MACF1: variants seen among roughly 807,000 people sequenced by gnomAD.
The protein encoded by MACF1 is microtubule actin crosslinking factor 1.
In MACF1, 193 loss-of-function variants were observed where a neutral mutation model predicts 854.8. The observed-to-expected ratio is 0.23, with a 90% confidence interval of 0.20 to 0.25. The LOEUF (loss-of-function observed/expected upper bound fraction) is 0.25. MACF1 is among the 10% of genes least tolerant of loss of function. The pLI is 1.00. For missense variants in MACF1, 7,722 were observed against 8,929.1 expected (o/e 0.86, Z 5.45); for synonymous variants, 3,185 against 3,226.7 (o/e 0.99, Z 0.44).
At position 39,361,402 on chromosome 1, in the gene MACF1, G is replaced by A. The variant is rs1648180624; in HGVS notation, c.12496G>A (p.Ala4166Thr). The change falls in exon 49 of 101, where the codon GCC (alanine) becomes ACC (threonine). Residue 4166 changes from alanine to threonine, a missense_variant. Ala to Thr is a moderately conservative substitution (Grantham distance 58, BLOSUM62 0). Transcript: ENST00000564288. ...DIARQKSSLE[A>T]TREMVTRFME... ...TGCTCGGCAAAAGAGCAGCTTGGAG[G>A]CCACCCGTGAGATGGTGACCCGATT... 6.2e-7 allele frequency: 1 copy of A among 1,613,864 alleles called. No homozygotes were observed. The highest frequency in any genetic ancestry group is 8.5e-7 in the Non-Finnish European group (1 of 1,179,978).
chr1:39,154,602 G>T (rs751724568), intron 2 of MACF1, among the ~76,000 whole-genome samples: 1 of 152,064 alleles, frequency 6.6e-6, no homozygotes, highest in Non-Finnish European at 1.5e-5. Flanking sequence ...ATTCGTTCTC[G>T]CCTCATTGGT....
chr1:39,317,449 G>A, intron 29 of MACF1, 42 bp downstream of exon 29: 1 of 1,586,596 alleles, frequency 6.3e-7, no homozygotes, highest in Non-Finnish European at 8.6e-7. Flanking sequence ...AGAGTTCAGG[G>A]ACTAGGTCTT....
chr1:39,452,524 G>A (rs908704257), intron 86 of MACF1, 160 bp from the exon 87 acceptor site: 4 of 1,158,204 alleles, frequency 3.5e-6, no homozygotes, highest in Non-Finnish European at 4.9e-6. Flanking sequence ...AATGAATTCA[G>A]TTGATTTTCA....
chr1:39,297,173 G>T (rs1571290371), intron 20 of MACF1, among the ~76,000 whole-genome samples: 2 of 152,102 alleles, frequency 1.3e-5, no homozygotes, highest in Admixed American at 6.5e-5. Flanking sequence ...TGATCTGCCC[G>T]CCTTGGCCTC....
chr1:39,129,352 T>C (rs1642937856), intron 2 of MACF1, among the ~76,000 whole-genome samples: 1 of 152,194 alleles, frequency 6.6e-6, no homozygotes, highest in South Asian at 2.1e-4. Context: ...GGATATGGCT[T>C]TATTAAAAAC....
At chr1:39,304,421 T>C in intron 23 of MACF1, 3 of 1,253,376 alleles carry the variant, frequency 2.4e-6, no homozygotes, top group Non-Finnish European at 2.3e-6. Flanking sequence ...GCTAACTGGT[T>C]GACCCTCTCC....
At chr1:39,446,876 G>A (rs1351833331) in intron 80 of MACF1, among the ~76,000 whole-genome samples, 2 of 152,128 alleles carry the variant, frequency 1.3e-5, no homozygotes, top group African/African-American at 2.4e-5. Flanking sequence ...TTTTTGCCTA[G>A]AATGTCTTGG....
intron 58 of MACF1, chr1:39,413,082 C>T (rs766207387): frequency 6.2e-7 from 1 of 1,603,070 alleles, no homozygotes; most frequent in South Asian, 1.1e-5. Flanking sequence ...TTGCAGCAGC[C>T]ATCACACAGG....
In MACF1 at chr1:39,303,090, C is replaced by T; in HGVS notation, c.2789+12C>T. 1 of 1,612,776 alleles carries T rather than the reference C, an allele frequency of 6.2e-7. No homozygotes were observed. The highest frequency in any genetic ancestry group is 8.5e-7 in the Non-Finnish European group (1 of 1,179,326). Reference sequence around the variant, plus strand: ...GAGATGGCCAGCAGGTAACTTGGCTCAGCTGCCACTGGTACACCCACCTCT... The same window carrying T: ...GAGATGGCCAGCAGGTAACTTGGCTTAGCTGCCACTGGTACACCCACCTCT... On this transcript the variant is annotated intron_variant, in intron 23 of 100. Transcript: ENST00000564288.
In MACF1 at chr1:39,442,924, T is replaced by C. The variant is rs1644148598; in HGVS notation, c.19302+13T>C. The C allele has an allele frequency of 1.2e-6, 2 of 1,610,848 alleles. No homozygotes were observed. The highest frequency in any genetic ancestry group is 1.7e-6 in the Non-Finnish European group (2 of 1,178,304). On this transcript the variant is annotated intron_variant, in intron 78 of 100. Transcript: ENST00000564288. ...AACTCTGCAGCAGGTACATGTGACATCCAAGTAAGGTAGGAAGAGCTATAC... is the reference window on the plus strand; with the variant it reads ...AACTCTGCAGCAGGTACATGTGACACCCAAGTAAGGTAGGAAGAGCTATAC...
At chr1:39,226,989 T>C (rs1644724250) in intron 1 of MACF1, among the ~76,000 whole-genome samples, 1 of 152,238 alleles carries the variant, frequency 6.6e-6, no homozygotes, top group South Asian at 2.1e-4. Flanking sequence ...GACACAACTT[T>C]AGTTAGCTCT....
At position 39,283,537 on chromosome 1, in the gene MACF1, A is replaced by C. The variant is rs775742622; in HGVS notation, c.915+22A>C. ...TACGGTAAAAGAACATTTTCCTAGA[A>C]GGCCTTCTGACTTTGATTCATTTGG... On this transcript the variant is annotated intron_variant, in intron 9 of 100. Transcript: ENST00000564288. This position sits in a 1 kb window ranked among gnomAD's most constrained non-coding sequence, Gnocchi z 4.5. 1.3e-6 allele frequency: 2 copies of C among 1,529,404 alleles called. No homozygotes were observed. The highest frequency in any genetic ancestry group is 2.2e-5 in the East Asian group (1 of 44,446). 94.7% of individuals were successfully genotyped at this position (1,529,404 alleles called of 1,614,324 possible). A position where few individuals can be genotyped will look rare whatever the true frequency, so the allele number is the denominator to read the frequency against.
intron 41 of MACF1, among the ~76,000 whole-genome samples, chr1:39,348,169 CTA>C (rs1374596066): frequency 1.3e-5 from 2 of 152,108 alleles, no homozygotes; most frequent in African/African-American, 4.8e-5. Context: ...ATTTTTTCAA[CTA>C]TATTGAAATT....
intron 2 of MACF1, among the ~76,000 whole-genome samples, chr1:39,187,875 T>G (rs1035618549): frequency 2.5e-5 from 2 of 79,986 alleles, no homozygotes; most frequent in African/African-American, 9.1e-5. Context: ...TGTCTCTCTC[T>G]CTCTCTGTCT....
Position 39,357,706 on chromosome 1 carries a change from G to C in MACF1, c.11756G>C (p.Arg3919Pro). The change falls in exon 45 of 101, where the codon CGG becomes CCG. Residue 3919 changes from arginine (R) to proline (P), a missense_variant. By Grantham distance (103) the Arg-to-Pro change is moderately radical. Transcript: ENST00000564288. ...SPETLPSLLK[R>P]QGSFSEDVIS... ...GAGACCCTTCCCTCCCTGCTAAAGC[G>C]GCAAGGAAGCTTCTCAGAGGATGTC... The C allele has an allele frequency of 6.2e-7, 1 of 1,614,072 alleles. No homozygotes were observed. The highest frequency in any genetic ancestry group is 1.1e-5 in the South Asian group (1 of 91,072).
chr1:39,283,004 T>G lies in MACF1; in HGVS notation c.696-185T>G. On this transcript the variant is annotated intron_variant, in intron 7 of 100. Coordinates refer to ENST00000564288, the MANE Select transcript of MACF1 (RefSeq NM_001394062.1). The surrounding 1 kb of genome is among the most constrained non-coding windows in gnomAD (Gnocchi z 4.5). ...CTAAACTGTATGTTTAAGTTTAGCA[T>G]TAGGGAGCACTGGGCCCCTGGTGTA... 1 of 554,564 alleles carries G rather than the reference T, an allele frequency of 1.8e-6. No individual in the cohort carries two copies. The highest frequency in any genetic ancestry group is 2.9e-5 in the East Asian group (1 of 34,038). 34.4% of individuals were successfully genotyped at this position (554,564 alleles called of 1,614,324 possible). A position where few individuals can be genotyped will look rare whatever the true frequency, so the allele number is the denominator to read the frequency against.
rs760113791 is a variant in MACF1 at position 39,331,479 on chromosome 1, C to A, written c.4891C>A (p.Pro1631Thr). 1 of 1,613,934 alleles carries A rather than the reference C, an allele frequency of 6.2e-7. No homozygotes were observed. Among genetic ancestry groups the A allele is most frequent in the Admixed American group, 1.7e-5 (1 of 59,982 alleles). ...LISRLTESRG[P>T]LSVVEAIEKR... ...AAGCAGGCTTACTGAGAGCAGAGGC[C>A]CTCTTTCTGTGGTGGAAGCAATTGA... Residue 1631 changes from proline (P) to threonine (T), a missense_variant, in exon 37 of 101, where the codon CCT becomes ACT. Physicochemically the swap from Pro to Thr is conservative, Grantham distance 38 (BLOSUM62 -1). Coordinates refer to ENST00000564288, the MANE Select transcript of MACF1 (RefSeq NM_001394062.1).
At chr1:39,299,211 A>G (rs1049309147) in intron 21 of MACF1, 1 of 456,012 alleles carries the variant, frequency 2.2e-6, no homozygotes, top group African/African-American at 2.0e-5. Context: ...TTAACTAATA[A>G]GTTAAAGTTG....
At chr1:39,180,335 G>T (rs1054607193) in intron 2 of MACF1, among the ~76,000 whole-genome samples, 4 of 152,070 alleles carry the variant, frequency 2.6e-5, no homozygotes, top group African/African-American at 9.7e-5. Flanking sequence ...GGAGATATAG[G>T]CCAGGCATGG....
Sources: allele counts gnomAD v4.1 joint callset (sites outside exome capture counted in the v4.1 genomes callset), GRCh38; gene constraint gnomAD v4.1.1; non-coding constraint Gnocchi (gnomAD v3.1); transcripts MANE v1.5; gene names NCBI Gene and HGNC (gene_info 2026-07-23, HGNC 2026-07-21).